The following SCFD2 variants were observed in gnomAD, a reference collection of about 807,000 sequenced individuals.
SCFD2 encodes the protein sec1 family domain-containing protein 2.
Under a neutral mutation model 58.9 loss-of-function variants are expected in SCFD2, and 54 were observed. The ratio of observed to expected loss-of-function variants is 0.92; its 90% CI spans 0.74 to 1.15. The LOEUF is 1.15. SCFD2 is among the 50% of genes most tolerant of loss of function. SCFD2 has a pLI of 0.00. For missense variants in SCFD2, 805 were observed against 836.6 expected (o/e 0.96, Z 0.47); for synonymous variants, 321 against 335.9 (o/e 0.96, Z 0.49).
intron 4 of SCFD2, among the ~76,000 whole-genome samples, chr4:53,211,297 C>A (rs1323043050): frequency 6.6e-6 from 1 of 151,726 alleles, no homozygotes; most frequent in Non-Finnish European, 1.5e-5. Flanking sequence ...GATAGCTGAA[C>A]CCTTGGAGGT....
At chr4:53,147,580 A>G (rs1485348086) in intron 4 of SCFD2, among the ~76,000 whole-genome samples, 3 of 152,194 alleles carry the variant, frequency 2.0e-5, no homozygotes, top group African/African-American at 4.8e-5. Flanking sequence ...ACAAGACACA[A>G]TTTACCAAGT....
In SCFD2 at chr4:53,366,003, T is replaced by C; in HGVS notation, c.-62A>G. 1 of 1,498,252 alleles carries C rather than the reference T, an allele frequency of 6.7e-7. No individual in the cohort carries two copies. Among genetic ancestry groups the C allele is most frequent in the East Asian group, 2.3e-5 (1 of 43,884 alleles). 92.8% of individuals were successfully genotyped at this position (1,498,252 alleles called of 1,614,324 possible). On this transcript the variant is annotated 5_prime_UTR_variant, in exon 1 of 9. Coordinates refer to ENST00000401642, the MANE Select transcript of SCFD2 (RefSeq NM_152540.4). ...GGAACTTCTTTCAGAACTCACCGCT[T>C]CCGGAAATTGGGCTCCGGGAGACTT...
At chr4:52,938,284 G>T (rs301095) in intron 5 of SCFD2, among the ~76,000 whole-genome samples, 7 of 152,068 alleles carry the variant, frequency 4.6e-5, no homozygotes, top group African/African-American at 1.7e-4. Flanking sequence ...TGAGTAACTT[G>T]CCTAAGGCCA....
At chr4:53,012,727 AG>A (rs1330689566) in intron 5 of SCFD2, among the ~76,000 whole-genome samples, 1 of 152,082 alleles carries the variant, frequency 6.6e-6, no homozygotes, top group African/African-American at 2.4e-5. Context: ...TCGGCAAAAA[AG>A]GCATCTGCAT....
At chr4:53,041,150 T>C (rs1397513205) in intron 5 of SCFD2, among the ~76,000 whole-genome samples, 1 of 152,150 alleles carries the variant, frequency 6.6e-6, no homozygotes, top group African/African-American at 2.4e-5. Context: ...TATTATTGGG[T>C]CAATAATATG....
chr4:53,328,874 G>A (rs1385328719), intron 2 of SCFD2, among the ~76,000 whole-genome samples: 3 of 152,228 alleles, frequency 2.0e-5, no homozygotes, highest in Non-Finnish European at 2.9e-5. Flanking sequence ...GTGGGCGCAG[G>A]TCAGTGGGTG....
chr4:53,324,836 GTTTGCTATT>G (rs1268723857), intron 2 of SCFD2, among the ~76,000 whole-genome samples: 1 of 152,164 alleles, frequency 6.6e-6, no homozygotes, highest in Non-Finnish European at 1.5e-5. Context: ...CTGACTAGTT[GTTTGCTATT>G]TCTAGACTCC....
intron 4 of SCFD2, among the ~76,000 whole-genome samples, chr4:53,237,920 T>C (rs1577879119): frequency 2.3e-5 from 2 of 86,428 alleles, no homozygotes; most frequent in Non-Finnish European, 4.6e-5. Flanking sequence ...CCCCCCCACC[T>C]CCCTTCCGGA....
At chr4:53,032,148 G>T (rs981489160) in intron 5 of SCFD2, among the ~76,000 whole-genome samples, 11 of 152,184 alleles carry the variant, frequency 7.2e-5, no homozygotes, top group African/African-American at 2.7e-4. Flanking sequence ...CATTCTTAAA[G>T]AAAAGAATTT....
intron 5 of SCFD2, among the ~76,000 whole-genome samples, chr4:52,929,496 T>C (rs1719940209): frequency 2.6e-5 from 4 of 152,324 alleles, no homozygotes; most frequent in Non-Finnish European, 2.9e-5. Context: ...GAAAGACTTG[T>C]ACATTCAGGA....
In SCFD2 at chr4:53,237,390, G is replaced by A. The variant is rs535456925; in HGVS notation, c.1311+36436C>T. Among the ~76,000 whole-genome samples the A allele has an allele frequency of 1.2e-3, 175 of 150,676 alleles. 1 individual carries two copies. Among genetic ancestry groups the A allele is most frequent in the Middle Eastern group, 6.8e-3 (2 of 292 alleles). ...AGACGGGGTGGTGGCCGGGCAGACG[G>A]GCTCCTCACTTCCCAGTAGGGGGCG... On this transcript the variant is annotated intron_variant, in intron 4 of 8. Transcript: ENST00000401642.
intron 5 of SCFD2, among the ~76,000 whole-genome samples, chr4:53,023,545 T>C (rs1338253629): frequency 1.3e-5 from 2 of 152,168 alleles, no homozygotes; most frequent in Non-Finnish European, 2.9e-5. Flanking sequence ...TAACTAATCT[T>C]AGTTCTCACT....
chr4:53,058,478 A>G (rs1422590210), intron 5 of SCFD2, among the ~76,000 whole-genome samples: 1 of 152,168 alleles, frequency 6.6e-6, no homozygotes, highest in East Asian at 1.9e-4. Context: ...ACCAAAGTCC[A>G]TATAGCAGTG....
chr4:52,995,689 T>C (rs772717529), intron 5 of SCFD2, among the ~76,000 whole-genome samples: 1 of 152,192 alleles, frequency 6.6e-6, no homozygotes, highest in African/African-American at 2.4e-5. Flanking sequence ...ACTAAAACCT[T>C]TCCTGACACC....
At chr4:53,173,322 T>C (rs961893700) in intron 4 of SCFD2, among the ~76,000 whole-genome samples, 33 of 152,194 alleles carry the variant, frequency 2.2e-4, no homozygotes, top group Non-Finnish European at 4.3e-4. Context: ...GTGTACTGAA[T>C]ATGCATTGCT....
intron 4 of SCFD2, among the ~76,000 whole-genome samples, chr4:53,173,635 G>T (rs1397188711): frequency 6.6e-6 from 1 of 152,050 alleles, no homozygotes; most frequent in Non-Finnish European, 1.5e-5. Context: ...TTTGTTGTCT[G>T]GTTGTTTTCT....
chr4:53,272,252 G>C (rs1268929999), intron 4 of SCFD2, among the ~76,000 whole-genome samples: 2 of 151,954 alleles, frequency 1.3e-5, no homozygotes, highest in African/African-American at 2.4e-5. Context: ...TTACACTGTT[G>C]GCACTGTAAA....
chr4:53,233,741 A>G (rs1195227324), intron 4 of SCFD2, among the ~76,000 whole-genome samples: 1 of 152,180 alleles, frequency 6.6e-6, no homozygotes, highest in Non-Finnish European at 1.5e-5. Context: ...TCATTATTCA[A>G]AAATACAATA....
chr4:53,107,013 C>T (rs565656120), intron 5 of SCFD2, among the ~76,000 whole-genome samples: 1 of 152,302 alleles, frequency 6.6e-6, no homozygotes, highest in Non-Finnish European at 1.5e-5. Context: ...GCCCATCAGA[C>T]TAACAGCAGA....
Sources: allele counts gnomAD v4.1 joint callset (sites outside exome capture counted in the v4.1 genomes callset), GRCh38; gene constraint gnomAD v4.1.1; transcripts MANE v1.5; gene names NCBI Gene and HGNC (gene_info 2026-07-23, HGNC 2026-07-21).